NEURL1: variants seen among roughly 807,000 people sequenced by gnomAD.
NEURL1 encodes the protein E3 ubiquitin-protein ligase NEURL1.
In NEURL1, 26 loss-of-function variants were observed where a neutral mutation model predicts 41.2. That is an observed-to-expected ratio of 0.63 (90% confidence interval 0.46 to 0.87). The LOEUF (loss-of-function observed/expected upper bound fraction) is 0.87, where lower values mean the gene tolerates loss of function less well. Among genes scored for constraint, NEURL1 ranks in the 40% least tolerant of loss-of-function variants. The pLI is 0.00. For missense variants in NEURL1, 761 were observed against 871.1 expected (o/e 0.87, Z 1.59); for synonymous variants, 400 against 402.3 (o/e 0.99, Z 0.07).
intron 1 of NEURL1, among the ~76,000 whole-genome samples, chr10:103,517,141 C>T (rs2034234828): frequency 6.6e-6 from 1 of 152,164 alleles, no homozygotes; most frequent in African/African-American, 2.4e-5. Context: ...ATCCTCCCAC[C>T]TCAGCCTCCT....
Position 103,556,567 on chromosome 10 carries a change from T to C in NEURL1, c.86-14305T>C, listed in dbSNP as rs2035160138. On this transcript the variant is annotated intron_variant, in intron 1 of 5. Transcript: ENST00000369780. The surrounding 1 kb of genome is among the most constrained non-coding windows in gnomAD (Gnocchi z 4.4). ...ACTGGTGACCAGGTGGCTTCTCCCT[T>C]CCAGGCTCTGGACTTTGGGAGAGTA... Among the ~76,000 whole-genome samples the C allele has an allele frequency of 1.3e-5, 2 of 152,112 alleles. No homozygotes were observed. The highest frequency in any genetic ancestry group is 4.8e-5 in the African/African-American group (2 of 41,398).
intron 1 of NEURL1, among the ~76,000 whole-genome samples, chr10:103,553,772 C>T (rs2035085363): frequency 1.3e-5 from 2 of 152,226 alleles, no homozygotes; most frequent in South Asian, 2.1e-4. Flanking sequence ...GCCCCTACCC[C>T]TCTGTCCTCC....
At chr10:103,532,148 T>G (rs1226559528) in intron 1 of NEURL1, among the ~76,000 whole-genome samples, 1 of 152,228 alleles carries the variant, frequency 6.6e-6, no homozygotes, top group Non-Finnish European at 1.5e-5. Context: ...GTTCAGGCAG[T>G]GTATGTCTTT....
chr10:103,546,068 T>A (rs2034919140), intron 1 of NEURL1, among the ~76,000 whole-genome samples: 1 of 152,316 alleles, frequency 6.6e-6, no homozygotes. Flanking sequence ...AGGAGTGTAA[T>A]CATAGCTCAC....
At chr10:103,549,602 C>A (rs1400302948) in intron 1 of NEURL1, among the ~76,000 whole-genome samples, 2 of 152,228 alleles carry the variant, frequency 1.3e-5, no homozygotes, top group African/African-American at 4.8e-5. Context: ...CCATAAGCCT[C>A]AAATGCTGAT....
chr10:103,557,678 G>A (rs918572587), intron 1 of NEURL1, among the ~76,000 whole-genome samples: 24 of 152,258 alleles, frequency 1.6e-4, no homozygotes, highest in African/African-American at 4.1e-4. Flanking sequence ...TTGCATATGC[G>A]TCCTCATGCA....
chr10:103,547,495 G>T (rs930387677), intron 1 of NEURL1, among the ~76,000 whole-genome samples: 2 of 152,228 alleles, frequency 1.3e-5, no homozygotes, highest in Admixed American at 6.5e-5. Flanking sequence ...CAAGTCAGCT[G>T]GTCCTGGGCT....
At chr10:103,509,347 C>T (rs1387941911) in intron 1 of NEURL1, among the ~76,000 whole-genome samples, 1 of 152,098 alleles carries the variant, frequency 6.6e-6, no homozygotes, top group Non-Finnish European at 1.5e-5. Flanking sequence ...GGGAACAGCA[C>T]AGAGTGCACT....
chr10:103,582,085 G>A (rs1227066540), intron 3 of NEURL1, among the ~76,000 whole-genome samples: 1 of 152,126 alleles, frequency 6.6e-6, no homozygotes, highest in Non-Finnish European at 1.5e-5. Context: ...GCTCTGGACT[G>A]ATTGTCCTGA....
chr10:103,580,981 T>C (rs924954296), intron 3 of NEURL1, among the ~76,000 whole-genome samples: 1 of 152,212 alleles, frequency 6.6e-6, no homozygotes, highest in Non-Finnish European at 1.5e-5. Flanking sequence ...TCATGACTGA[T>C]GTGAAATCCT....
intron 1 of NEURL1, among the ~76,000 whole-genome samples, chr10:103,498,557 T>C (rs1221038812): frequency 6.6e-6 from 1 of 152,198 alleles, no homozygotes; most frequent in Non-Finnish European, 1.5e-5. Context: ...TTATATAACC[T>C]GAAATTTACC....
At chr10:103,573,463 T>C (rs10883884) in intron 3 of NEURL1, among the ~76,000 whole-genome samples, 12,415 of 152,130 alleles carry the variant, frequency 0.082, 651 homozygotes, top group East Asian at 0.2. Flanking sequence ...TGATGCACAG[T>C]AGGGGGTCAG....
chr10:103,494,284 C>T lies in NEURL1; in HGVS notation c.-104C>T, dbSNP rs1463818934. On this transcript the variant is annotated 5_prime_UTR_variant, in exon 1 of 6. Transcript: ENST00000369780. ...CGGCTGCAGCCCCAGCAGGGCCCTC[C>T]CCCGGTGGCGCGCACCCGCGCGCGC... The T allele has an allele frequency of 2.2e-6, 2 of 903,276 alleles. No homozygotes were observed. 56.0% of individuals were successfully genotyped at this position (903,276 alleles called of 1,614,324 possible). A position where few individuals can be genotyped will look rare whatever the true frequency, so the allele number is the denominator to read the frequency against.
Position 103,571,698 on chromosome 10 carries a change from G to C in NEURL1, c.525G>C (p.Lys175Asn). 6.2e-7 allele frequency: 1 copy of C among 1,614,208 alleles called. No homozygotes were observed. The highest frequency in any genetic ancestry group is 1.1e-5 in the South Asian group (1 of 91,084). ...GNIIAFWVDK[K>N]GRVFHRINDS... is the part of the protein sequence containing the mutation. ...TCATCGCATTCTGGGTGGACAAGAA[G>C]GGCCGTGTCTTCCACCGCATCAACG... The change falls in exon 3 of 6, where the codon AAG becomes AAC. Residue 175 changes from lysine (K) to asparagine (N), a missense_variant. By Grantham distance (94) the Lys-to-Asn change is moderately conservative (BLOSUM62 0). This residue lies in a region of NEURL1 where 114 missense variants were observed against 144.8 expected (regional missense o/e 0.79). Transcript: ENST00000369780.
At chr10:103,541,821 C>T (rs1323167100) in intron 1 of NEURL1, among the ~76,000 whole-genome samples, 23 of 152,180 alleles carry the variant, frequency 1.5e-4, no homozygotes, top group Admixed American at 1.5e-3. Context: ...CCGGATGTCC[C>T]AAGGTGGGTG....
chr10:103,538,309 G>A (rs2034740568), intron 1 of NEURL1, among the ~76,000 whole-genome samples: 1 of 152,156 alleles, frequency 6.6e-6, no homozygotes, highest in African/African-American at 2.4e-5. Context: ...GGTGGCTCAC[G>A]CCTGTAGTTC....
In NEURL1 at chr10:103,570,872, A is replaced by G. The variant is rs1407823055; in HGVS notation, c.86A>G (p.Asp29Gly). 6.2e-7 allele frequency: 1 copy of G among 1,611,418 alleles called. No individual in the cohort carries two copies. The highest frequency in any genetic ancestry group is 2.2e-5 in the East Asian group (1 of 44,792). The change falls in exon 2 of 6, where the codon GAC becomes GGC. Residue 29 changes from aspartate (D) to glycine (G), a missense_variant and splice_region_variant. Physicochemically the swap from Asp to Gly is moderately conservative, Grantham distance 94. This residue lies in a region of NEURL1 where 94 missense variants were observed against 96.6 expected (regional missense o/e 0.97). Transcript: ENST00000369780. The stretch of plus-strand genomic sequence containing the variant: ...GACACCGTGGCCTGTTCCTTTGCAG[A>G]CTCTATCGGGGGCCCCTTCCCCGTC... ...APRGHPQNLK[D>G]SIGGPFPVTS...
chr10:103,576,909 G>C (rs1472433682), intron 3 of NEURL1, among the ~76,000 whole-genome samples: 3 of 152,114 alleles, frequency 2.0e-5, no homozygotes, highest in Non-Finnish European at 4.4e-5. Flanking sequence ...TAGGGGCCTA[G>C]GTCAGGTCCC....
At position 103,583,531 on chromosome 10, in the gene NEURL1, A is replaced by G. The variant is rs2035827891; in HGVS notation, c.650-1005A>G. On this transcript the variant is annotated intron_variant, in intron 3 of 5. Transcript: ENST00000369780. Reference sequence around the variant, plus strand: ...AGGAGTTGGAGACCAGATGGGCAACATGGCGAAATACCGTCTCTACCCCAA... The same window carrying G: ...AGGAGTTGGAGACCAGATGGGCAACGTGGCGAAATACCGTCTCTACCCCAA... Among the ~76,000 whole-genome samples the G allele has an allele frequency of 2.6e-5, 4 of 151,866 alleles. No homozygotes were observed. In the South Asian group the frequency reaches 8.4e-4, roughly 32 times the overall value.
Sources: gnomAD v4.1 joint callset for allele counts (sites outside exome capture counted in the v4.1 genomes callset) on GRCh38, gnomAD v4.1.1 for gene constraint, gnomAD v4.1.1 regional missense constraint, Gnocchi (gnomAD v3.1) non-coding constraint, MANE v1.5 for transcripts, NCBI Gene and HGNC (gene_info 2026-07-23, HGNC 2026-07-21) for gene names.